Variants in LRPPRC observed in about 807,000 individuals in gnomAD.
The protein encoded by LRPPRC is leucine rich pentatricopeptide repeat containing.
LRPPRC carries 120 observed loss-of-function variants against 180.3 expected under a neutral mutation model. The ratio of observed to expected loss-of-function variants is 0.67; its 90% confidence interval spans 0.57 to 0.77. The LOEUF is 0.77. Ranked by LOEUF, LRPPRC falls within the 30% of genes least tolerant of loss-of-function variation. The pLI is 0.00. For missense variants in LRPPRC, 2,012 were observed against 1,657.2 expected (o/e 1.21, Z -3.72); for synonymous variants, 723 against 600.0 (o/e 1.21, Z -3.00).
At chr2:43,935,420 A>G (rs998382115) in intron 23 of LRPPRC, among the ~76,000 whole-genome samples, 1 of 152,212 alleles carries the variant, frequency 6.6e-6, no homozygotes, top group African/African-American at 2.4e-5. Flanking sequence ...AGTAGGAAAT[A>G]ACCTCAAGTT....
chr2:43,935,913 A>G (rs1572940601), intron 23 of LRPPRC, among the ~76,000 whole-genome samples: 1 of 152,000 alleles, frequency 6.6e-6, no homozygotes, highest in Non-Finnish European at 1.5e-5. Context: ...GAGAAACCCC[A>G]TCTCTATTAA....
chr2:43,936,679 G>A (rs565797873), intron 23 of LRPPRC, among the ~76,000 whole-genome samples: 13 of 152,272 alleles, frequency 8.5e-5, no homozygotes, highest in South Asian at 4.1e-4. Context: ...CAGTGAAAAC[G>A]AGCCTATCCT....
At chr2:43,894,974 C>T (rs1314033666) in intron 35 of LRPPRC, among the ~76,000 whole-genome samples, 2 of 152,140 alleles carry the variant, frequency 1.3e-5, no homozygotes, top group African/African-American at 4.8e-5. Flanking sequence ...TCTTTAGGTG[C>T]CACAACTGGT....
intron 37 of LRPPRC, among the ~76,000 whole-genome samples, chr2:43,889,073 T>A (rs895307544): frequency 1.3e-5 from 2 of 152,168 alleles, no homozygotes; most frequent in East Asian, 3.9e-4. Context: ...TCCCGGCACT[T>A]TGGGAGGCCG....
At chr2:43,943,659 T>C (rs756052654) in intron 23 of LRPPRC, 28 bp downstream of exon 23, 2 of 1,568,348 alleles carry the variant, frequency 1.3e-6, no homozygotes, top group East Asian at 2.2e-5. Context: ...AATGCCAACA[T>C]TTAAAATTCA....
At chr2:43,930,342 G>C (rs1381256662) in intron 25 of LRPPRC, among the ~76,000 whole-genome samples, 1 of 152,092 alleles carries the variant, frequency 6.6e-6, no homozygotes, top group African/African-American at 2.4e-5. Flanking sequence ...TGGTACAGAG[G>C]AACCAATAGA....
chr2:43,965,571 G>T (rs1673519423), intron 11 of LRPPRC, among the ~76,000 whole-genome samples: 1 of 152,028 alleles, frequency 6.6e-6, no homozygotes, highest in South Asian at 2.1e-4. Context: ...AAATGAAAAG[G>T]CGACCTATGG....
intron 24 of LRPPRC, 30 bp downstream of exon 24, chr2:43,934,724 A>AC: frequency 6.2e-7 from 1 of 1,608,320 alleles, no homozygotes; most frequent in South Asian, 1.1e-5. Context: ...GGAAAAAAAA[A>AC]CTACATTAAG....
intron 1 of LRPPRC, among the ~76,000 whole-genome samples, chr2:43,985,222 G>T (rs62135118): frequency 0.086 from 13,084 of 151,960 alleles, 639 homozygotes; most frequent in South Asian, 0.14. Flanking sequence ...AGTGTTTTTA[G>T]GTTTATAGAA....
intron 29 of LRPPRC, among the ~76,000 whole-genome samples, chr2:43,915,376 T>C (rs550010556): frequency 6.6e-6 from 1 of 151,950 alleles, no homozygotes; most frequent in African/African-American, 2.4e-5. Flanking sequence ...AGACTGAATA[T>C]GCAGCAAAGG....
chr2:43,973,609 T>C lies in LRPPRC; in HGVS notation c.1367A>G (p.Gln456Arg), dbSNP rs774183388. Residue 456 changes from glutamine to arginine, a missense_variant and splice_region_variant, in exon 11 of 38, where the codon CAA becomes CGA. Transcript: ENST00000260665. ...LVGRRKEKNV[Q>R]GIIEILKGMQ... ...ATCGGTAAAAGGCAAAATCTAACCT[T>C]GAACATTTTTTTCCTTCCGACGTCC... The C allele has an allele frequency of 2.5e-6, 4 of 1,609,268 alleles. No homozygotes were observed. In the Admixed American group the frequency reaches 5.0e-5, roughly 20 times the overall value.
chr2:43,922,623 G>T (rs929643310), intron 27 of LRPPRC, among the ~76,000 whole-genome samples: 1 of 152,180 alleles, frequency 6.6e-6, no homozygotes, highest in Non-Finnish European at 1.5e-5. Flanking sequence ...GCCAGGTGTG[G>T]TGGCGGGCGC....
chr2:43,987,456 C>T (rs1674578140), intron 1 of LRPPRC, among the ~76,000 whole-genome samples: 1 of 135,344 alleles, frequency 7.4e-6, no homozygotes. Flanking sequence ...GATAGCGTCA[C>T]TGCACTCCAG....
At chr2:43,977,745 A>G (rs1451950562) in intron 3 of LRPPRC, among the ~76,000 whole-genome samples, 2 of 152,134 alleles carry the variant, frequency 1.3e-5, no homozygotes, top group Non-Finnish European at 2.9e-5. Flanking sequence ...GCTGATGAAC[A>G]TGATCTATGG....
chr2:43,989,720 GTGTAACATATGTAAAACACT>G (rs1674686788), intron 1 of LRPPRC, among the ~76,000 whole-genome samples: 1 of 152,166 alleles, frequency 6.6e-6, no homozygotes, highest in South Asian at 2.1e-4. Flanking sequence ...AAGATCAAAT[GTGTAACATATGTAAAACACT>G]TGTAACATAT....
At chr2:43,919,391 A>T (rs1671615411) in intron 27 of LRPPRC, among the ~76,000 whole-genome samples, 1 of 152,238 alleles carries the variant, frequency 6.6e-6, no homozygotes. Context: ...TACAAGTGAC[A>T]AATCTACAAA....
chr2:43,896,740 G>A, intron 34 of LRPPRC, 32 bp from the exon 35 acceptor site: 1 of 1,279,044 alleles, frequency 7.8e-7, no homozygotes, highest in East Asian at 2.3e-5. Flanking sequence ...AGTAAGTGAA[G>A]GTTTCTGATA....
intron 25 of LRPPRC, among the ~76,000 whole-genome samples, chr2:43,929,449 G>A (rs778070677): frequency 4.9e-4 from 75 of 152,094 alleles, no homozygotes; most frequent in Non-Finnish European, 6.5e-4. Flanking sequence ...ATTTGTATAC[G>A]TTTTATGGTA....
intron 30 of LRPPRC, among the ~76,000 whole-genome samples, chr2:43,906,030 A>T (rs989544275): frequency 1.3e-5 from 2 of 152,170 alleles, no homozygotes; most frequent in African/African-American, 2.4e-5. Flanking sequence ...GATTTTTTTT[A>T]AACAATCGGT....
Sources: allele counts gnomAD v4.1 joint callset (sites outside exome capture counted in the v4.1 genomes callset), GRCh38; gene constraint gnomAD v4.1.1; transcripts MANE v1.5; gene names NCBI Gene and HGNC (gene_info 2026-07-23, HGNC 2026-07-21).